The following POLR3B variants were observed in gnomAD, a reference collection of about 807,000 sequenced individuals.
POLR3B encodes the protein DNA-directed RNA polymerase III subunit RPC2.
POLR3B carries 96 observed loss-of-function variants against 147.4 expected under a neutral mutation model. That is an observed-to-expected ratio of 0.65 (90% CI 0.55 to 0.77). The LOEUF (loss-of-function observed/expected upper bound fraction) is 0.77. Ranked by LOEUF, POLR3B falls within the 30% of genes least tolerant of loss-of-function variation. POLR3B has a pLI of 0.00. For missense variants in POLR3B, 1,036 were observed against 1,413.5 expected (o/e 0.73, Z 4.28); for synonymous variants, 461 against 485.9 (o/e 0.95, Z 0.67).
chr12:106,370,536 C>A (rs914841580), intron 6 of POLR3B, among the ~76,000 whole-genome samples: 2 of 151,820 alleles, frequency 1.3e-5, no homozygotes, highest in African/African-American at 4.8e-5. Context: ...TGTATTGTTT[C>A]TCTCCTTAGT....
At chr12:106,509,049 A>G (rs1391980868) in intron 27 of POLR3B, among the ~76,000 whole-genome samples, 5 of 152,260 alleles carry the variant, frequency 3.3e-5, no homozygotes, top group African/African-American at 1.2e-4. Flanking sequence ...TCTTTAAACA[A>G]TGAAAAAAAT....
intron 19 of POLR3B, among the ~76,000 whole-genome samples, chr12:106,445,464 G>A (rs2037709230): frequency 6.6e-6 from 1 of 152,066 alleles, no homozygotes; most frequent in Admixed American, 6.6e-5. Context: ...TGGCATAAGA[G>A]GTCTCAGTAC....
At chr12:106,417,684 C>A (rs960056187) in intron 12 of POLR3B, among the ~76,000 whole-genome samples, 2 of 152,130 alleles carry the variant, frequency 1.3e-5, no homozygotes, top group Non-Finnish European at 2.9e-5. Context: ...TGAGGAAGCT[C>A]TGTTTGGTTA....
chr12:106,406,564 A>T (rs563407338), intron 11 of POLR3B, among the ~76,000 whole-genome samples: 2 of 152,300 alleles, frequency 1.3e-5, no homozygotes, highest in African/African-American at 2.4e-5. Context: ...CTTGAATTTA[A>T]AGTTCACATT....
intron 23 of POLR3B, among the ~76,000 whole-genome samples, chr12:106,484,936 G>A (rs1342113492): frequency 6.6e-6 from 1 of 152,058 alleles, no homozygotes; most frequent in Non-Finnish European, 1.5e-5. Flanking sequence ...CTTGGGGAGT[G>A]ACAGAAGGAT....
In POLR3B at chr12:106,401,735, G is replaced by A. The variant is rs376935668; in HGVS notation, c.847-4122G>A. 2.1e-4 allele frequency among the ~76,000 whole-genome samples: 32 copies of A among 152,188 alleles called. No homozygotes were observed. In the East Asian group the frequency reaches 2.3e-3, roughly 11 times the overall value. ...ACCACATGATTATCTCAATAGATGCGGAAAAGGCCTTTGACAAAATTCAAC... is the reference window on the plus strand; with the variant it reads ...ACCACATGATTATCTCAATAGATGCAGAAAAGGCCTTTGACAAAATTCAAC... On this transcript the variant is annotated intron_variant, in intron 10 of 27. Transcript: ENST00000228347.
At chr12:106,491,910 C>G (rs1297221297) in intron 23 of POLR3B, among the ~76,000 whole-genome samples, 4 of 152,092 alleles carry the variant, frequency 2.6e-5, no homozygotes, top group Non-Finnish European at 5.9e-5. Flanking sequence ...AATGTGATTA[C>G]ACTTAGAAGG....
intron 6 of POLR3B, among the ~76,000 whole-genome samples, chr12:106,370,366 A>G (rs1227953316): frequency 6.6e-6 from 1 of 152,202 alleles, no homozygotes; most frequent in East Asian, 1.9e-4. Context: ...AAGATATACA[A>G]AATACAGTTC....
chr12:106,385,559 G>A (rs1399214799), intron 9 of POLR3B, among the ~76,000 whole-genome samples: 1 of 152,210 alleles, frequency 6.6e-6, no homozygotes, highest in Non-Finnish European at 1.5e-5. Context: ...AAGCCTCAGA[G>A]GAGTAAGAAA....
intron 22 of POLR3B, among the ~76,000 whole-genome samples, chr12:106,462,651 C>T (rs191995311): frequency 1.3e-5 from 2 of 152,312 alleles, no homozygotes; most frequent in East Asian, 3.9e-4. Context: ...GAAAGGTGTC[C>T]TTAGCACACC....
At chr12:106,506,033 G>C (rs1264964126) in intron 27 of POLR3B, among the ~76,000 whole-genome samples, 1 of 152,158 alleles carries the variant, frequency 6.6e-6, no homozygotes, top group African/African-American at 2.4e-5. Context: ...GTGGCCATTT[G>C]CGGTTCATCT....
In POLR3B at chr12:106,378,347, G is replaced by A. The variant is rs2036709924; in HGVS notation, c.577G>A (p.Ala193Thr). 6.2e-7 allele frequency: 1 copy of A among 1,613,620 alleles called. No individual in the cohort carries two copies. The highest frequency in any genetic ancestry group is 8.5e-7 in the Non-Finnish European group (1 of 1,179,640). Reference protein sequence around the residue: ...QLSKNRIIVEADRKGAVGASV... With the variant: ...QLSKNRIIVETDRKGAVGASV... ...GTCTAAGAACAGGATCATCGTGGAG[G>A]CTGATAGAAAAGGGGCTGTTGGAGC... The change falls in exon 8 of 28, where the codon GCT becomes ACT. Residue 193 changes from alanine to threonine, a missense_variant. Ala to Thr is a moderately conservative substitution (Grantham distance 58). Transcript: ENST00000228347.
At chr12:106,358,160 C>G in intron 1 of POLR3B, 1 of 1,444,718 alleles carries the variant, frequency 6.9e-7, no homozygotes, top group Admixed American at 2.7e-5. Flanking sequence ...GAGGAGCTGT[C>G]AGCCGCTGCG....
intron 9 of POLR3B, among the ~76,000 whole-genome samples, chr12:106,387,348 G>A (rs534460250): frequency 7.2e-5 from 11 of 152,190 alleles, no homozygotes; most frequent in Non-Finnish European, 1.5e-4. Context: ...GCATTTAGGC[G>A]TCATTTTTTT....
At chr12:106,360,800 CA>C (rs1368537179) in intron 1 of POLR3B, among the ~76,000 whole-genome samples, 4 of 152,138 alleles carry the variant, frequency 2.6e-5, no homozygotes, top group Admixed American at 1.3e-4. Context: ...TATACAAGTT[CA>C]AAAAATGTGT....
chr12:106,414,568 T>C (rs906760638), intron 12 of POLR3B, among the ~76,000 whole-genome samples: 5 of 152,130 alleles, frequency 3.3e-5, no homozygotes, highest in Non-Finnish European at 4.4e-5. Flanking sequence ...TAAGCTGATA[T>C]CAGTATTTAT....
chr12:106,463,387 A>G (rs1328655233), intron 22 of POLR3B, 91 bp from the exon 23 acceptor site: 7 of 1,123,018 alleles, frequency 6.2e-6, no homozygotes, highest in East Asian at 2.4e-5. Context: ...AGAATACTCT[A>G]TGGTAGGCAT....
intron 16 of POLR3B, 118 bp from the exon 17 acceptor site, chr12:106,436,939 A>T (rs1490901327): frequency 1.3e-6 from 1 of 788,094 alleles, no homozygotes; most frequent in African/African-American, 1.7e-5. Flanking sequence ...GTCCTCAGCA[A>T]TCCAGGAATA....
chr12:106,468,928 G>A (rs1271220836), intron 23 of POLR3B, among the ~76,000 whole-genome samples: 1 of 152,170 alleles, frequency 6.6e-6, no homozygotes, highest in Non-Finnish European at 1.5e-5. Flanking sequence ...TTGATTTGGG[G>A]TGGAGAGTTC....
Sources: allele counts gnomAD v4.1 joint callset (sites outside exome capture counted in the v4.1 genomes callset), GRCh38; gene constraint gnomAD v4.1.1; transcripts MANE v1.5; gene names NCBI Gene and HGNC (gene_info 2026-07-23, HGNC 2026-07-21).